The following SELENOO variants were observed in gnomAD, a reference collection of about 807,000 sequenced individuals.
SELENOO encodes the protein protein adenylyltransferase SelO, mitochondrial.
A neutral mutation model predicts 58.7 loss-of-function variants in SELENOO; 74 were observed. The observed-to-expected ratio is 1.26, with a 90% confidence interval of 1.04 to 1.53. The LOEUF is 1.53. SELENOO is among the 40% of genes most tolerant of loss of function. The pLI, the probability that SELENOO is intolerant of heterozygous loss-of-function variation, is 0.00. For missense variants in SELENOO, 1,149 were observed against 970.0 expected, an observed-to-expected ratio of 1.18 and a Z score of -2.45; for synonymous variants, 543 against 453.2, an observed-to-expected ratio of 1.20 and a Z score of -2.52.
In SELENOO at chr22:50,201,501, C is replaced by A; in HGVS notation, c.465C>A (p.Gly155=). The A allele has an allele frequency of 7.0e-7, 1 of 1,425,868 alleles. No individual in the cohort carries two copies. Among genetic ancestry groups the A allele is most frequent in the Admixed American group, 2.6e-5 (1 of 38,758 alleles). 88.3% of individuals were successfully genotyped at this position (1,425,868 alleles called of 1,614,324 possible). ...AGTTCGCCGGGCAGCTGGGCGACGG[C>A]GCCGCCATGTACCTGGGCGAGGTGT... ...FGQFAGQLGD[G]AAMYLGEVCT... Residue 155 remains glycine, a synonymous_variant, in exon 1 of 9, where the codon GGC becomes GGA. Transcript: ENST00000380903.
intron 5 of SELENOO, among the ~76,000 whole-genome samples, chr22:50,212,925 A>G (rs2064381288): frequency 6.6e-6 from 1 of 151,606 alleles, no homozygotes; most frequent in Non-Finnish European, 1.5e-5. Context: ...TCTCCCTCTA[A>G]TCTTGGCTCT....
At chr22:50,204,405 T>C in intron 1 of SELENOO, among the ~76,000 whole-genome samples, 1 of 152,122 alleles carries the variant, frequency 6.6e-6, no homozygotes, top group Non-Finnish European at 1.5e-5. Context: ...GGTGGGCGGA[T>C]CATTTGAGGT....
intron 8 of SELENOO, 31 bp from the exon 9 acceptor site, chr22:50,217,174 C>CCAGA: frequency 6.2e-7 from 1 of 1,611,376 alleles, no homozygotes; most frequent in Non-Finnish European, 8.5e-7. Flanking sequence ...GGGGTCGGCC[C>CCAGA]CAGACCCCTC....
intron 1 of SELENOO, chr22:50,205,720 C>T: frequency 6.5e-6 from 1 of 153,440 alleles, no homozygotes; most frequent in Non-Finnish European, 1.5e-5. Flanking sequence ...GGCAGTTCTG[C>T]AGGACATGAG....
rs2064403954 is a variant in SELENOO, at chr22:50,215,788, G to A, written c.1423G>A (p.Glu475Lys). The change falls in exon 6 of 9, where the codon GAA (glutamate) becomes AAA (lysine). Residue 475 changes from glutamate to lysine, a missense_variant. Glu to Lys is a moderately conservative substitution (Grantham distance 56, BLOSUM62 1). Coordinates refer to ENST00000380903, the MANE Select transcript of SELENOO (RefSeq NM_031454.2). ...PVELESPGLA[E>K]FLARLMEQCA... ...GGAGCTAGAGTCGCCAGGCCTGGCG[G>A]AATTCCTGGCCAGGCTGATGGAGCA... 8.1e-6 allele frequency: 13 copies of A among 1,612,642 alleles called. No individual in the cohort carries two copies. The East Asian group carries it at 8.9e-5, about 11-fold the overall frequency.
At chr22:50,208,384 C>T (rs755943726) in intron 2 of SELENOO, 152 bp from the exon 3 acceptor site, 5 of 628,176 alleles carry the variant, frequency 8.0e-6, no homozygotes, top group East Asian at 6.0e-5. Flanking sequence ...GAGGCGAGAT[C>T]GCGCCACTGC....
rs188081821 is a variant in SELENOO at position 50,210,555 on chromosome 22, C to T, written c.1071-76C>T. ...CCACTTGGGACCTTCCCCTGGGCCT[C>T]CCCTCCAGGGTGGCTGCACCATCTC... On this transcript the variant is annotated intron_variant, in intron 4 of 8. Coordinates refer to ENST00000380903, the MANE Select transcript of SELENOO (RefSeq NM_031454.2). 9.9e-4 allele frequency: 1,579 copies of T among 1,596,034 alleles called. 14 individuals carry two copies. In the African/African-American group the frequency reaches 0.019, roughly 19 times the overall value.
rs2064422791 is a variant in SELENOO, at chr22:50,217,137, A to G, written c.1845+9A>G. 6.2e-7 allele frequency: 1 copy of G among 1,611,658 alleles called. No individual in the cohort carries two copies. Among genetic ancestry groups the G allele is most frequent in the East Asian group, 2.2e-5 (1 of 44,812 alleles). On this transcript the variant is annotated intron_variant, in intron 8 of 8. Transcript: ENST00000380903. ...GCGGGGACTTCTCAGAGGCAAGCAC[A>G]CGCCTGTCCCTGTGGTCCCTGGGAG...
chr22:50,210,082 A>G (rs2064357547), intron 3 of SELENOO, 99 bp from the exon 4 acceptor site: 1 of 1,421,606 alleles, frequency 7.0e-7, no homozygotes, highest in Non-Finnish European at 9.6e-7. Context: ...AGAGCCACTC[A>G]GCGAAGCACA....
chr22:50,205,979 G>A, intron 1 of SELENOO: 1 of 363,166 alleles, frequency 2.8e-6, no homozygotes, highest in South Asian at 2.8e-5. Flanking sequence ...GTCCCATGGG[G>A]CAGGGCTGCC....
rs369786492 is a variant in SELENOO at position 50,210,910 on chromosome 22, C to T, written c.1350C>T (p.Thr450=). The T allele has an allele frequency of 6.3e-5, 101 of 1,613,948 alleles. No individual in the cohort carries two copies. The African/African-American group carries it at 1.1e-3, about 17-fold the overall frequency. ...VSKLLETMHL[T]GADFTNTFYL... is the part of the protein sequence containing the mutation. Reference sequence around the variant, plus strand: ...AGCTCCTGGAGACCATGCATCTGACCGGTGAGTGACCCAGCCGTGCCCACA... The same window carrying T: ...AGCTCCTGGAGACCATGCATCTGACTGGTGAGTGACCCAGCCGTGCCCACA... Residue 450 remains threonine (T), a splice_region_variant and synonymous_variant, in exon 5 of 9, where the codon ACC becomes ACT. Coordinates refer to ENST00000380903, the MANE Select transcript of SELENOO (RefSeq NM_031454.2).
intron 5 of SELENOO, 146 bp downstream of exon 5, chr22:50,211,057 T>C: frequency 1.2e-6 from 1 of 835,294 alleles, no homozygotes; most frequent in East Asian, 2.5e-5. Flanking sequence ...CTCTCTGTCT[T>C]TATGAATTTG....
Position 50,201,447 on chromosome 22 carries a change from G to C in SELENOO, c.411G>C (p.Ala137=). The C allele has an allele frequency of 7.2e-7, 1 of 1,396,296 alleles. No individual in the cohort carries two copies. 86.5% of individuals were successfully genotyped at this position (1,396,296 alleles called of 1,614,324 possible). Residue 137 remains alanine (A), a synonymous_variant, in exon 1 of 9, where the codon GCG becomes GCC. Transcript: ENST00000380903. ...NALLPGAEPA[A]HCYCGHQFGQ... ...TCCTGCCGGGCGCCGAGCCCGCCGC[G>C]CACTGCTACTGCGGCCACCAATTCG...
chr22:50,215,787 G>C lies in SELENOO; in HGVS notation c.1422G>C (p.Ala474=), dbSNP rs748447547. 3 of 1,612,676 alleles carry C rather than the reference G, an allele frequency of 1.9e-6. No individual in the cohort carries two copies. The highest frequency in any genetic ancestry group is 2.5e-6 in the Non-Finnish European group (3 of 1,179,370). Residue 474 remains alanine, a synonymous_variant, in exon 6 of 9, where the codon GCG becomes GCC. Transcript: ENST00000380903. ...FPVELESPGL[A]EFLARLMEQC... is the part of the protein sequence containing the mutation. ...TGGAGCTAGAGTCGCCAGGCCTGGC[G>C]GAATTCCTGGCCAGGCTGATGGAGC...
At chr22:50,207,183 C>T (rs1455853479) in intron 2 of SELENOO, among the ~76,000 whole-genome samples, 3 of 151,932 alleles carry the variant, frequency 2.0e-5, no homozygotes, top group Non-Finnish European at 2.9e-5. Context: ...AGTGCAGTGG[C>T]GTGATCTTGG....
At chr22:50,214,700 G>C (rs1317943593) in intron 5 of SELENOO, among the ~76,000 whole-genome samples, 1 of 152,236 alleles carries the variant, frequency 6.6e-6, no homozygotes. Context: ...AGGAGGCGGA[G>C]GTTGCAGTGA....
chr22:50,212,700 C>T (rs1356948026), intron 5 of SELENOO, among the ~76,000 whole-genome samples: 1 of 152,266 alleles, frequency 6.6e-6, no homozygotes, highest in African/African-American at 2.4e-5. Flanking sequence ...TGGAGTTACA[C>T]AGCGTGTGCC....
chr22:50,216,005 C>A, intron 6 of SELENOO, 138 bp downstream of exon 6: 1 of 668,800 alleles, frequency 1.5e-6, no homozygotes, highest in Non-Finnish European at 2.5e-6. Context: ...CAGATTCAGT[C>A]AGGGCTTCAG....
intron 2 of SELENOO, among the ~76,000 whole-genome samples, chr22:50,206,740 T>A (rs1051459878): frequency 1.1e-4 from 17 of 152,214 alleles, no homozygotes; most frequent in African/African-American, 4.1e-4. Flanking sequence ...CATTTGGTAC[T>A]CAGTTAGGAC....
Sources: gnomAD v4.1 joint callset for allele counts (sites outside exome capture counted in the v4.1 genomes callset) on GRCh38, gnomAD v4.1.1 for gene constraint, MANE v1.5 for transcripts, NCBI Gene and HGNC (gene_info 2026-07-23, HGNC 2026-07-21) for gene names.